Variants in SNTG1 observed in about 807,000 individuals in gnomAD.
SNTG1 encodes syntrophin gamma 1.
A neutral mutation model predicts 74.7 loss-of-function variants in SNTG1; 39 were observed. The ratio of observed to expected loss-of-function variants is 0.52; its 90% CI spans 0.40 to 0.68. SNTG1 has a LOEUF of 0.68. Ranked by LOEUF, SNTG1 falls within the 30% of genes least tolerant of loss-of-function variation. The pLI, the probability that SNTG1 is intolerant of heterozygous loss-of-function variation, is 0.00. For synonymous variants in SNTG1, 254 were observed against 217.1 expected, an observed-to-expected ratio of 1.17 and a Z score of -1.49; for missense variants, 685 against 609.5, an observed-to-expected ratio of 1.12 and a Z score of -1.30.
intron 1 of SNTG1, among the ~76,000 whole-genome samples, chr8:50,096,000 G>A (rs1190489096): frequency 6.6e-6 from 1 of 151,728 alleles, no homozygotes; most frequent in Non-Finnish European, 1.5e-5. Flanking sequence ...AAAATTCCAT[G>A]AATGACAAAC....
intron 1 of SNTG1, among the ~76,000 whole-genome samples, chr8:50,139,100 T>C (rs1446573230): frequency 6.6e-6 from 1 of 152,182 alleles, no homozygotes; most frequent in Non-Finnish European, 1.5e-5. Flanking sequence ...TAGATTTTTG[T>C]GTACATATAT....
chr8:50,009,276 T>C (rs1241526410), intron 1 of SNTG1, among the ~76,000 whole-genome samples: 2 of 152,204 alleles, frequency 1.3e-5, no homozygotes, highest in Non-Finnish European at 2.9e-5. Flanking sequence ...TCAACTTTAA[T>C]TTAAATTTTG....
intron 2 of SNTG1, among the ~76,000 whole-genome samples, chr8:50,322,797 T>C (rs1041925042): frequency 1.4e-4 from 21 of 151,944 alleles, no homozygotes; most frequent in African/African-American, 5.1e-4. Flanking sequence ...AATTCTTTCT[T>C]CTGCTTGATC....
Position 50,790,349 on chromosome 8 carries a change from C to T in SNTG1, c.1396-2322C>T, listed in dbSNP as rs556516460. Among the ~76,000 whole-genome samples the T allele has an allele frequency of 3.1e-4, 47 of 151,946 alleles. No individual in the cohort carries two copies. The South Asian group carries it at 9.1e-3, about 29-fold the overall frequency. On this transcript the variant is annotated intron_variant, in intron 18 of 18. Coordinates refer to ENST00000642720, the MANE Select transcript of SNTG1 (RefSeq NM_018967.5). ...TTGGTATTTTATTGAATGGCTGACTCTTTACATTTTTGAAGATAGCTTATA... is the reference window on the plus strand; with the variant it reads ...TTGGTATTTTATTGAATGGCTGACTTTTTACATTTTTGAAGATAGCTTATA...
intron 13 of SNTG1, among the ~76,000 whole-genome samples, chr8:50,647,174 A>G (rs2095114584): frequency 6.6e-6 from 1 of 152,168 alleles, no homozygotes; most frequent in Non-Finnish European, 1.5e-5. Flanking sequence ...CAGATACAAC[A>G]CAAAAACCAT....
chr8:50,073,712 T>C lies in SNTG1; in HGVS notation c.-102-98849T>C, dbSNP rs529676112. 2.4e-4 allele frequency among the ~76,000 whole-genome samples: 37 copies of C among 152,178 alleles called. No individual in the cohort carries two copies. The South Asian group carries it at 7.5e-3, about 31-fold the overall frequency. On this transcript the variant is annotated intron_variant, in intron 1 of 18. Coordinates refer to ENST00000642720, the MANE Select transcript of SNTG1 (RefSeq NM_018967.5). ...GAGAAATGGATGTTGTGTTAACAGG[T>C]ATGGAAAAAACATTAATCTCCTTGT...
intron 18 of SNTG1, among the ~76,000 whole-genome samples, chr8:50,756,627 T>G (rs1367966533): frequency 6.6e-6 from 1 of 151,760 alleles, no homozygotes. Flanking sequence ...ATTGATCTAT[T>G]TGTCTGTTTC....
chr8:50,720,787 G>A (rs116580715), intron 17 of SNTG1, among the ~76,000 whole-genome samples: 1,654 of 152,266 alleles, frequency 0.011, 31 homozygotes, highest in African/African-American at 0.038. Context: ...TGCCTTCAAA[G>A]CATTATTGTT....
intron 15 of SNTG1, among the ~76,000 whole-genome samples, chr8:50,696,984 A>T (rs1429680715): frequency 2.0e-5 from 3 of 152,094 alleles, no homozygotes; most frequent in African/African-American, 7.2e-5. Context: ...GTGAAATATG[A>T]CATTGGTACT....
chr8:50,572,209 T>C (rs914438423), intron 12 of SNTG1, among the ~76,000 whole-genome samples: 2 of 151,844 alleles, frequency 1.3e-5, no homozygotes, highest in Non-Finnish European at 2.9e-5. Context: ...ATAATACTCG[T>C]CTCAGAGACT....
At chr8:50,158,619 C>T (rs2131582322) in intron 1 of SNTG1, among the ~76,000 whole-genome samples, 1 of 152,268 alleles carries the variant, frequency 6.6e-6, no homozygotes, top group Admixed American at 6.5e-5. Flanking sequence ...TCCTATTTTT[C>T]CACGTTGATT....
chr8:50,560,688 G>A (rs904136469), intron 12 of SNTG1, among the ~76,000 whole-genome samples: 4 of 151,958 alleles, frequency 2.6e-5, no homozygotes, highest in Non-Finnish European at 4.4e-5. Flanking sequence ...TGGACACATC[G>A]GGGGAACAAC....
chr8:50,448,167 G>T (rs982367422), intron 5 of SNTG1, among the ~76,000 whole-genome samples: 3 of 152,116 alleles, frequency 2.0e-5, no homozygotes, highest in Non-Finnish European at 1.5e-5. Context: ...TGAGGGGTGC[G>T]GTGCATGAAT....
intron 1 of SNTG1, among the ~76,000 whole-genome samples, chr8:49,995,418 C>T (rs1266310207): frequency 3.3e-5 from 5 of 152,132 alleles, no homozygotes; most frequent in Admixed American, 3.3e-4. Context: ...TTCTTGTCTA[C>T]TGAGAACTGG....
intron 1 of SNTG1, among the ~76,000 whole-genome samples, chr8:50,067,245 A>C (rs1820973986): frequency 6.6e-6 from 1 of 152,052 alleles, no homozygotes; most frequent in Non-Finnish European, 1.5e-5. Flanking sequence ...TATTTCCTAC[A>C]TATGTGGCTT....
chr8:50,069,112 G>C (rs960130557), intron 1 of SNTG1, among the ~76,000 whole-genome samples: 3 of 152,060 alleles, frequency 2.0e-5, no homozygotes, highest in Admixed American at 6.5e-5. Flanking sequence ...TAGATGCTAG[G>C]GTGACAGAAA....
chr8:50,789,049 T>C (rs2095683842), intron 18 of SNTG1, among the ~76,000 whole-genome samples: 1 of 151,990 alleles, frequency 6.6e-6, no homozygotes, highest in South Asian at 2.1e-4. Flanking sequence ...GATATATTCC[T>C]ATGCCCCCTT....
At chr8:50,150,405 C>T (rs957224421) in intron 1 of SNTG1, among the ~76,000 whole-genome samples, 14 of 152,160 alleles carry the variant, frequency 9.2e-5, no homozygotes, top group African/African-American at 3.4e-4. Context: ...TTCCTGATTG[C>T]CCTGGCCAGA....
chr8:50,373,289 G>A (rs74886444), intron 2 of SNTG1, among the ~76,000 whole-genome samples: 2 of 152,090 alleles, frequency 1.3e-5, no homozygotes, highest in South Asian at 2.1e-4. Flanking sequence ...ATGTTTTCAC[G>A]AAATACAGAA....
Sources: gnomAD v4.1 joint callset for allele counts (sites outside exome capture counted in the v4.1 genomes callset) on GRCh38, gnomAD v4.1.1 for gene constraint, MANE v1.5 for transcripts, NCBI Gene and HGNC (gene_info 2026-07-23, HGNC 2026-07-21) for gene names.